TCF7L2: variants seen among roughly 807,000 people sequenced by gnomAD.
The protein encoded by TCF7L2 is transcription factor 7-like 2.
TCF7L2 carries 23 observed loss-of-function variants against 77.9 expected under a neutral mutation model. The ratio of observed to expected loss-of-function variants is 0.30; its 90% CI spans 0.21 to 0.42. TCF7L2 has a LOEUF of 0.42. TCF7L2 is among the 10% of genes least tolerant of loss of function. The probability of loss-of-function intolerance (pLI) is 1.00; values close to 1 mark genes in which losing one functional copy is unlikely to be tolerated. For synonymous variants in TCF7L2, 413 were observed against 340.2 expected, an observed-to-expected ratio of 1.21 and a Z score of -2.36; for missense variants, 654 against 793.1, an observed-to-expected ratio of 0.82 and a Z score of 2.11.
intron 5 of TCF7L2, among the ~76,000 whole-genome samples, chr10:113,087,184 T>G (rs2059925828): frequency 6.6e-6 from 1 of 152,116 alleles, no homozygotes; most frequent in Admixed American, 6.5e-5. Flanking sequence ...ACAGAGAGGT[T>G]GTGTGTGTGT....
rs7903146 is a variant in TCF7L2 at position 112,998,590 on chromosome 10, C to T, written c.450+33966C>T. 0.27 allele frequency among the ~76,000 whole-genome samples: 41,622 copies of T among 151,914 alleles called. 5,952 individuals carry two copies. The highest frequency in any genetic ancestry group is 0.4 in the Middle Eastern group (119 of 294). The stretch of plus-strand genomic sequence containing the variant: ...TAGAGAGCTAAGCACTTTTTAGATA[C>T]TATATAATTTAATTGCCGTATGAGG... On this transcript the variant is annotated intron_variant, in intron 4 of 13. Transcript: ENST00000627217.
At chr10:113,129,462 G>A (rs942921869) in intron 5 of TCF7L2, 46 of 1,014,388 alleles carry the variant, frequency 4.5e-5, no homozygotes, top group Non-Finnish European at 5.1e-5. Flanking sequence ...TTCTGTAGTG[G>A]CAAAGATTAG....
intron 6 of TCF7L2, among the ~76,000 whole-genome samples, chr10:113,142,636 G>A (rs182953739): frequency 6.6e-6 from 1 of 152,192 alleles, no homozygotes; most frequent in Non-Finnish European, 1.5e-5. Flanking sequence ...ACATGAGCTG[G>A]GTTTTACTGG....
intron 5 of TCF7L2, among the ~76,000 whole-genome samples, chr10:113,134,194 A>C (rs10885418): frequency 0.34 from 50,983 of 151,956 alleles, 9,142 homozygotes; most frequent in Admixed American, 0.48. Flanking sequence ...GGCCACGGTG[A>C]TGCATGGGTC....
At chr10:113,065,496 C>T (rs1242413357) in intron 5 of TCF7L2, among the ~76,000 whole-genome samples, 1 of 152,140 alleles carries the variant, frequency 6.6e-6, no homozygotes, top group Admixed American at 6.5e-5. Flanking sequence ...ATTTATGTGG[C>T]CCCGGCTGTC....
At chr10:113,160,591 A>AT (rs778163443) in intron 12 of TCF7L2, 67 of 1,570,492 alleles carry the variant, frequency 4.3e-5, no homozygotes, top group Non-Finnish European at 5.5e-5. Context: ...ATTGTGTTGT[A>AT]TTTTTTGTGT....
intron 4 of TCF7L2, among the ~76,000 whole-genome samples, chr10:113,013,550 C>T (rs879447677): frequency 6.6e-6 from 1 of 152,096 alleles, no homozygotes; most frequent in East Asian, 1.9e-4. Context: ...AGTGGGGGCT[C>T]ATAGGTCATA....
chr10:113,143,172 C>T (rs975838874), intron 6 of TCF7L2, among the ~76,000 whole-genome samples: 6 of 152,256 alleles, frequency 3.9e-5, no homozygotes, highest in South Asian at 2.1e-4. Context: ...TGCGGTGGCA[C>T]GTACTTGCAG....
chr10:113,147,343 C>A (rs1245603684), intron 8 of TCF7L2, among the ~76,000 whole-genome samples: 1 of 152,134 alleles, frequency 6.6e-6, no homozygotes, highest in Non-Finnish European at 1.5e-5. Context: ...TTCCTACTTA[C>A]AAAACAGTAA....
intron 5 of TCF7L2, among the ~76,000 whole-genome samples, chr10:113,134,893 C>T (rs2067171748): frequency 6.6e-6 from 1 of 152,202 alleles, no homozygotes; most frequent in Non-Finnish European, 1.5e-5. Context: ...TTGTGCAGAG[C>T]TCCTAAAGGC....
chr10:112,955,461 C>T (rs1042981865), intron 3 of TCF7L2, among the ~76,000 whole-genome samples: 55 of 152,126 alleles, frequency 3.6e-4, no homozygotes, highest in African/African-American at 1.3e-3. Context: ...AATATGCCAG[C>T]GCTTTCCACT....
intron 3 of TCF7L2, among the ~76,000 whole-genome samples, chr10:112,961,927 A>G (rs2035370147): frequency 6.6e-6 from 1 of 151,050 alleles, no homozygotes; most frequent in Non-Finnish European, 1.5e-5. Context: ...GAGAGAGAGA[A>G]GGTAAAATTA....
intron 5 of TCF7L2, among the ~76,000 whole-genome samples, chr10:113,072,312 T>G (rs1021093141): frequency 6.6e-6 from 1 of 151,622 alleles, no homozygotes; most frequent in Non-Finnish European, 1.5e-5. Flanking sequence ...GCCTCAGCCT[T>G]CCAAAGGGAG....
At chr10:113,158,916 T>G (rs2072537525) in intron 12 of TCF7L2, among the ~76,000 whole-genome samples, 199 bp downstream of exon 13, 1 of 151,966 alleles carries the variant, frequency 6.6e-6, no homozygotes, top group African/African-American at 2.4e-5. Flanking sequence ...ACCTTTGTTT[T>G]GTTTATTTAT....
At chr10:113,065,327 G>T (rs910568510) in intron 5 of TCF7L2, among the ~76,000 whole-genome samples, 9 of 152,190 alleles carry the variant, frequency 5.9e-5, no homozygotes, top group African/African-American at 2.2e-4. Flanking sequence ...GGAGTCAAGG[G>T]CAGAGACCAG....
At chr10:112,977,732 T>C (rs150100682) in intron 4 of TCF7L2, among the ~76,000 whole-genome samples, 136 of 152,188 alleles carry the variant, frequency 8.9e-4, no homozygotes, top group African/African-American at 3.2e-3. Context: ...TGGTGAACAT[T>C]AGTCAAAGAG....
chr10:113,001,622 A>G (rs2044494802), intron 4 of TCF7L2, among the ~76,000 whole-genome samples: 1 of 152,140 alleles, frequency 6.6e-6, no homozygotes, highest in Admixed American at 6.5e-5. Flanking sequence ...TATGACACAA[A>G]GAAAGTTTGG....
chr10:113,053,999 C>A (rs143650242), intron 5 of TCF7L2, among the ~76,000 whole-genome samples: 1 of 152,138 alleles, frequency 6.6e-6, no homozygotes, highest in Non-Finnish European at 1.5e-5. Flanking sequence ...CACATACAGG[C>A]GGGGAGAGGC....
chr10:112,952,819 C>T (rs2032229249), intron 3 of TCF7L2, among the ~76,000 whole-genome samples: 1 of 151,706 alleles, frequency 6.6e-6, no homozygotes, highest in Admixed American at 6.6e-5. Flanking sequence ...CGGCTCATCC[C>T]CTCCCCCACC....
Sources: allele counts gnomAD v4.1 joint callset (sites outside exome capture counted in the v4.1 genomes callset), GRCh38; gene constraint gnomAD v4.1.1; transcripts MANE v1.5; gene names NCBI Gene and HGNC (gene_info 2026-07-23, HGNC 2026-07-21).